The following CAMK2D variants were observed in gnomAD, a reference collection of about 807,000 sequenced individuals.
CAMK2D encodes calcium/calmodulin dependent protein kinase II delta.
A neutral mutation model predicts 84.0 loss-of-function variants in CAMK2D; 37 were observed. That is an observed-to-expected ratio of 0.44 (90% confidence interval 0.34 to 0.58). The LOEUF is 0.58. CAMK2D is among the 20% of genes least tolerant of loss of function. The pLI is 0.02. For synonymous variants in CAMK2D, 202 were observed against 212.5 expected, an observed-to-expected ratio of 0.95 and a Z score of 0.43; for missense variants, 448 against 652.5, an observed-to-expected ratio of 0.69 and a Z score of 3.41.
At chr4:113,507,112 A>AT (rs1244414032) in intron 13 of CAMK2D, among the ~76,000 whole-genome samples, 24 of 152,304 alleles carry the variant, frequency 1.6e-4, no homozygotes, top group Non-Finnish European at 2.2e-4. Context: ...TAACTAAATG[A>AT]TTTTTTTCCT....
At chr4:113,507,024 G>A (rs971417607) in intron 13 of CAMK2D, among the ~76,000 whole-genome samples, 2 of 152,052 alleles carry the variant, frequency 1.3e-5, no homozygotes, top group African/African-American at 2.4e-5. Context: ...GGAAACATGA[G>A]TTAAATGAAT....
At chr4:113,511,203 T>C (rs546104061) in intron 12 of CAMK2D, among the ~76,000 whole-genome samples, 6 of 152,274 alleles carry the variant, frequency 3.9e-5, no homozygotes, top group South Asian at 2.1e-4. Context: ...AAGAGCATGT[T>C]TGGCAATGAA....
In CAMK2D at chr4:113,551,637, TTTTAA is replaced by T. The variant is rs1487850575; in HGVS notation, c.341+389_341+393del. On this transcript the variant is annotated intron_variant, in intron 5 of 20. Transcript: ENST00000511664. Reference sequence around the variant, plus strand: ...TGGTTAGACCAACTGAGAAATAAATTTTTAATTTAATTTAATTTTAATTAATTGAA... The same window carrying T: ...TGGTTAGACCAACTGAGAAATAAATTTTTAATTTAATTTTAATTAATTGAA... Among the ~76,000 whole-genome samples, 4 of 152,312 alleles carry T rather than the reference TTTTAA, an allele frequency of 2.6e-5. No homozygotes were observed. The East Asian group carries it at 7.7e-4, about 29-fold the overall frequency.
At chr4:113,754,002 C>T (rs1227813066) in intron 2 of CAMK2D, 28 of 958,506 alleles carry the variant, frequency 2.9e-5, no homozygotes, top group African/African-American at 3.5e-5. Context: ...TTTATTTTTC[C>T]TAACACTGTC....
chr4:113,648,808 A>G (rs1203734403), intron 3 of CAMK2D, among the ~76,000 whole-genome samples: 1 of 152,176 alleles, frequency 6.6e-6, no homozygotes, highest in African/African-American at 2.4e-5. Context: ...CATGGTAAGA[A>G]GCTTATATCT....
chr4:113,544,093 C>A (rs2098551006), intron 6 of CAMK2D, among the ~76,000 whole-genome samples: 1 of 152,138 alleles, frequency 6.6e-6, no homozygotes, highest in Non-Finnish European at 1.5e-5. Flanking sequence ...TTAAATGTGG[C>A]AAATGCATTT....
At chr4:113,685,844 A>T (rs1038179116) in intron 2 of CAMK2D, among the ~76,000 whole-genome samples, 1 of 152,042 alleles carries the variant, frequency 6.6e-6, no homozygotes, top group Non-Finnish European at 1.5e-5. Context: ...TAGGTGGATC[A>T]CTTGAGGTCA....
At chr4:113,736,486 G>A (rs967051603) in intron 2 of CAMK2D, among the ~76,000 whole-genome samples, 1 of 152,114 alleles carries the variant, frequency 6.6e-6, no homozygotes, top group African/African-American at 2.4e-5. Context: ...TTGTTGTATT[G>A]CATTGTTTTA....
At chr4:113,476,099 C>T (rs2097611061) in intron 16 of CAMK2D, among the ~76,000 whole-genome samples, 1 of 151,866 alleles carries the variant, frequency 6.6e-6, no homozygotes, top group African/African-American at 2.4e-5. Context: ...ATGATAGAAC[C>T]TCTTGATATG....
At chr4:113,488,124 T>A (rs574614357) in intron 16 of CAMK2D, among the ~76,000 whole-genome samples, 12 of 152,236 alleles carry the variant, frequency 7.9e-5, no homozygotes, top group Non-Finnish European at 1.5e-4. Context: ...AATAATATTT[T>A]AAAATTTACA....
At chr4:113,636,711 C>T (rs1389227632) in intron 3 of CAMK2D, among the ~76,000 whole-genome samples, 1 of 152,116 alleles carries the variant, frequency 6.6e-6, no homozygotes, top group Admixed American at 6.5e-5. Flanking sequence ...GTCACTTCCT[C>T]TTCTTATAAA....
intron 4 of CAMK2D, among the ~76,000 whole-genome samples, chr4:113,595,984 C>G (rs922040195): frequency 6.6e-6 from 1 of 152,178 alleles, no homozygotes; most frequent in Non-Finnish European, 1.5e-5. Context: ...TGTTTGATAG[C>G]ATTTTACCCA....
chr4:113,505,879 A>G (rs1049716666), intron 13 of CAMK2D, among the ~76,000 whole-genome samples: 2 of 152,194 alleles, frequency 1.3e-5, no homozygotes, highest in Non-Finnish European at 2.9e-5. Flanking sequence ...GACAAGTGGC[A>G]ATCAGAAACT....
chr4:113,506,053 C>T (rs888486806), intron 13 of CAMK2D, among the ~76,000 whole-genome samples: 8 of 151,684 alleles, frequency 5.3e-5, no homozygotes, highest in Non-Finnish European at 1.0e-4. Flanking sequence ...TTATTATTTT[C>T]TAAAGGAATA....
intron 12 of CAMK2D, chr4:113,513,079 G>A (rs374333402): frequency 1.7e-6 from 1 of 604,026 alleles, no homozygotes; most frequent in Non-Finnish European, 2.1e-6. Flanking sequence ...CACCAGCACT[G>A]ACTGGTGGCC....
In CAMK2D at chr4:113,457,363, G is replaced by A. The variant is rs199603492; in HGVS notation, c.1507C>T (p.Arg503Cys). 173 of 1,613,576 alleles carry A rather than the reference G, an allele frequency of 1.1e-4. 2 individuals carry two copies. The highest frequency in any genetic ancestry group is 6.5e-4 in the South Asian group (59 of 91,088). ...ATGGGTACTGTTGGTGACCCCGAGC[G>A]ATGAAAATGAACATTCTGCCACTTT... ...DGKWQNVHFHRSGSPTVPIKP... is the reference protein window; with the variant it reads ...DGKWQNVHFHCSGSPTVPIKP... The change falls in exon 19 of 21, where the codon CGC becomes TGC. Residue 503 changes from arginine to cysteine, a missense_variant. Arg to Cys is a radical substitution (Grantham distance 180). Transcript: ENST00000511664.
rs1037312572 is a variant in CAMK2D, at chr4:113,453,905, G to A, written c.*640C>T. On this transcript the variant is annotated 3_prime_UTR_variant, in exon 21 of 21. Transcript: ENST00000511664. Reference sequence around the variant, plus strand: ...TGAATTTTTCCAGTTTACACAGTTTGACCAAAAACAGCATGGCTTTATGTG... The same window carrying A: ...TGAATTTTTCCAGTTTACACAGTTTAACCAAAAACAGCATGGCTTTATGTG... The A allele has an allele frequency of 6.6e-6, 1 of 152,460 alleles. No individual in the cohort carries two copies. Among genetic ancestry groups the A allele is most frequent in the African/African-American group, 2.4e-5 (1 of 41,422 alleles). The allele number at this position is 152,460 out of a possible 1,614,324, so 9.4% of individuals were successfully genotyped here.
intron 2 of CAMK2D, among the ~76,000 whole-genome samples, chr4:113,683,611 G>A (rs1036923770): frequency 1.4e-4 from 22 of 152,158 alleles, no homozygotes; most frequent in Admixed American, 4.6e-4. Flanking sequence ...ATAAATAGGC[G>A]TTTTCTGGGT....
At chr4:113,689,809 T>C (rs953871753) in intron 2 of CAMK2D, among the ~76,000 whole-genome samples, 1 of 152,202 alleles carries the variant, frequency 6.6e-6, no homozygotes, top group Admixed American at 6.5e-5. Context: ...GTTTGACAAC[T>C]TGTATAAAAG....
Sources: allele counts gnomAD v4.1 joint callset (sites outside exome capture counted in the v4.1 genomes callset), GRCh38; gene constraint gnomAD v4.1.1; transcripts MANE v1.5; gene names NCBI Gene and HGNC (gene_info 2026-07-23, HGNC 2026-07-21).